Variants in GLG1 observed in about 807,000 individuals in gnomAD.
GLG1 encodes the protein golgi glycoprotein 1.
In GLG1, 38 loss-of-function variants were observed where a neutral mutation model predicts 160.5. The ratio of observed to expected loss-of-function variants is 0.24; its 90% CI spans 0.18 to 0.31. The LOEUF is 0.31. GLG1 is among the 10% of genes least tolerant of loss of function. The pLI, the probability that GLG1 is intolerant of heterozygous loss-of-function variation, is 1.00. For synonymous variants in GLG1, 644 were observed against 543.4 expected (o/e 1.19, Z -2.57); for missense variants, 1,373 against 1,505.2 (o/e 0.91, Z 1.45).
At chr16:74,475,549 T>C (rs547650599) in intron 12 of GLG1, among the ~76,000 whole-genome samples, 288 of 152,334 alleles carry the variant, frequency 1.9e-3, no homozygotes, top group African/African-American at 6.5e-3. Flanking sequence ...AAAGCTATCT[T>C]GTGTGGGCTT....
At position 74,508,897 on chromosome 16, in the gene GLG1, GT is replaced by G; in HGVS notation, c.499del (p.Thr167LeufsTer18). On this transcript the variant is annotated frameshift_variant, in exon 3 of 26. Coordinates refer to ENST00000422840, the MANE Select transcript of GLG1 (RefSeq NM_001145667.2). LOFTEE classifies it high-confidence loss of function. Reference sequence around the variant, plus strand: ...CACAGATTCAAATTTGGGATCTGTAGTTAGGTTCAGCTTATAATTCCACAAC... The same window carrying G: ...CACAGATTCAAATTTGGGATCTGTAGTAGGTTCAGCTTATAATTCCACAAC... ...HLLWNYKLNL[T>X]TDPKFESVAR... The G allele has an allele frequency of 1.3e-6, 2 of 1,496,514 alleles. No individual in the cohort carries two copies. The highest frequency in any genetic ancestry group is 1.9e-6 in the Non-Finnish European group (2 of 1,074,888). The allele number at this position is 1,496,514 out of a possible 1,614,324, so 92.7% of individuals were successfully genotyped here. A position where few individuals can be genotyped will look rare whatever the true frequency, so the allele number is the denominator to read the frequency against.
intron 14 of GLG1, among the ~76,000 whole-genome samples, chr16:74,471,931 G>T (rs1342624117): frequency 1.0e-5 from 1 of 100,290 alleles, no homozygotes; most frequent in Non-Finnish European, 2.2e-5. Context: ...TTTAGACAGG[G>T]TCTCACTCTG....
At chr16:74,529,431 A>G (rs1168528450) in intron 2 of GLG1, among the ~76,000 whole-genome samples, 1 of 151,984 alleles carries the variant, frequency 6.6e-6, no homozygotes, top group African/African-American at 2.4e-5. Context: ...ATTTTCCTCT[A>G]TTTATAGGAA....
At chr16:74,521,885 A>C (rs889946456) in intron 2 of GLG1, among the ~76,000 whole-genome samples, 5 of 152,310 alleles carry the variant, frequency 3.3e-5, no homozygotes, top group Admixed American at 6.5e-5. Flanking sequence ...CAGAAGCCTC[A>C]GGCCCCATGG....
chr16:74,528,838 T>C (rs2017431971), intron 2 of GLG1, among the ~76,000 whole-genome samples: 1 of 106,812 alleles, frequency 9.4e-6, no homozygotes, highest in Admixed American at 9.5e-5. Flanking sequence ...AAAAAAAAAT[T>C]GTTAGGTGAG....
At chr16:74,601,188 C>G (rs570861403) in intron 1 of GLG1, among the ~76,000 whole-genome samples, 2 of 152,250 alleles carry the variant, frequency 1.3e-5, no homozygotes, top group South Asian at 4.1e-4. Context: ...GAATCAGGAA[C>G]TGGTACATAT....
chr16:74,472,888 A>G, intron 13 of GLG1: 1 of 230,062 alleles, frequency 4.3e-6, no homozygotes. Flanking sequence ...GTGCAACACT[A>G]GCTCCTGAAA....
chr16:74,532,689 T>G (rs2017577161), intron 1 of GLG1, among the ~76,000 whole-genome samples: 1 of 151,986 alleles, frequency 6.6e-6, no homozygotes, highest in Non-Finnish European at 1.5e-5. Context: ...CAAGCCCAGC[T>G]AATTTTTTTG....
intron 1 of GLG1, among the ~76,000 whole-genome samples, chr16:74,579,941 T>C (rs1046812160): frequency 1.8e-4 from 27 of 151,972 alleles, no homozygotes; most frequent in Non-Finnish European, 2.2e-4. Context: ...CACGTGCCTG[T>C]AGTCCCAGCT....
intron 18 of GLG1, among the ~76,000 whole-genome samples, chr16:74,466,738 A>T (rs1476365262): frequency 4.6e-5 from 7 of 152,240 alleles, no homozygotes; most frequent in Admixed American, 2.6e-4. Context: ...TAGGAAATGA[A>T]AAACAAAACT....
At chr16:74,491,366 C>T (rs2015978897) in intron 7 of GLG1, 151 bp from the exon 8 acceptor site, 1 of 643,772 alleles carries the variant, frequency 1.6e-6, no homozygotes, top group East Asian at 2.7e-5. Flanking sequence ...TTAGCAAAAG[C>T]TTTAGCAGCA....
intron 20 of GLG1, 35 bp from the exon 21 acceptor site, chr16:74,462,665 T>TA (rs2014848748): frequency 1.2e-6 from 2 of 1,605,066 alleles, no homozygotes; most frequent in African/African-American, 1.3e-5. Flanking sequence ...TGACAAAACA[T>TA]TCCACCTGAT....
chr16:74,500,150 T>G (rs1452092427), intron 4 of GLG1, among the ~76,000 whole-genome samples: 1 of 152,184 alleles, frequency 6.6e-6, no homozygotes, highest in South Asian at 2.1e-4. Flanking sequence ...AGTTTATAAC[T>G]GAAAGGCATA....
chr16:74,485,933 T>A lies in GLG1; in HGVS notation c.1450-16A>T, dbSNP rs1226526213. The A allele has an allele frequency of 1.2e-6, 2 of 1,605,468 alleles. No individual in the cohort carries two copies. Among genetic ancestry groups the A allele is most frequent in the Admixed American group, 3.4e-5 (2 of 58,802 alleles). On this transcript the variant is annotated splice_polypyrimidine_tract_variant and intron_variant, in intron 8 of 25. Transcript: ENST00000422840. ...GTGTTTGAAGCTGAATTAAAATAAATTAAGAAGGAAGAAAGAAAGTCACTT... is the reference window on the plus strand; with the variant it reads ...GTGTTTGAAGCTGAATTAAAATAAAATAAGAAGGAAGAAAGAAAGTCACTT...
Position 74,471,292 on chromosome 16 carries a change from G to A in GLG1, c.2116-6C>T. ...ATCTGGTTATCTGCCACATCCTGGG[G>A]AAGACAGCATGCATTTACACTTCAT... On this transcript the variant is annotated splice_region_variant and splice_polypyrimidine_tract_variant and intron_variant, in intron 14 of 25. Transcript: ENST00000422840. 6.8e-7 allele frequency: 1 copy of A among 1,462,672 alleles called. No homozygotes were observed. The highest frequency in any genetic ancestry group is 9.6e-7 in the Non-Finnish European group (1 of 1,041,914). 90.6% of individuals were successfully genotyped at this position (1,462,672 alleles called of 1,614,324 possible). A position where few individuals can be genotyped will look rare whatever the true frequency, so the allele number is the denominator to read the frequency against.
Position 74,463,226 on chromosome 16 carries a change from C to T in GLG1, c.2791+130G>A, listed in dbSNP as rs1387631771. ...TGCTCCTCAAAGGAGGAAGGCCCTG[C>T]TTACACTCAGACTCCTCCCTTAAAA... is the stretch of plus-strand genomic sequence containing the variant. On this transcript the variant is annotated intron_variant, in intron 20 of 25. Transcript: ENST00000422840. 5.9e-6 allele frequency: 5 copies of T among 846,682 alleles called. 1 individual carries two copies. Among genetic ancestry groups the T allele is most frequent in the Middle Eastern group, 3.5e-4 (1 of 2,834 alleles). 52.4% of individuals were successfully genotyped at this position (846,682 alleles called of 1,614,324 possible). A position where few individuals can be genotyped will look rare whatever the true frequency, so the allele number is the denominator to read the frequency against.
intron 1 of GLG1, among the ~76,000 whole-genome samples, chr16:74,598,122 G>C (rs1156272375): frequency 6.6e-6 from 1 of 152,146 alleles, no homozygotes; most frequent in Non-Finnish European, 1.5e-5. Flanking sequence ...CCTCAGAACA[G>C]GGCACACAGA....
At chr16:74,596,620 C>T (rs1022674202) in intron 1 of GLG1, among the ~76,000 whole-genome samples, 3 of 152,244 alleles carry the variant, frequency 2.0e-5, no homozygotes, top group African/African-American at 7.2e-5. Context: ...TCAATTCAAA[C>T]AGGCCATGTT....
intron 11 of GLG1, among the ~76,000 whole-genome samples, chr16:74,478,804 C>G (rs11640299): frequency 6.7e-6 from 1 of 149,858 alleles, no homozygotes; most frequent in African/African-American, 2.5e-5. Context: ...CCCAGCTAAT[C>G]TGGAGGGTGA....
Sources: gnomAD v4.1 joint callset for allele counts (sites outside exome capture counted in the v4.1 genomes callset) on GRCh38, gnomAD v4.1.1 for gene constraint, MANE v1.5 for transcripts, NCBI Gene and HGNC (gene_info 2026-07-23, HGNC 2026-07-21) for gene names.